The following PRKG1 variants were observed in gnomAD, a reference collection of about 807,000 sequenced individuals.
The protein encoded by PRKG1 is cGMP-dependent protein kinase 1.
PRKG1 carries 35 observed loss-of-function variants against 88.1 expected under a neutral mutation model. The ratio of observed to expected loss-of-function variants is 0.40; its 90% confidence interval spans 0.30 to 0.53. The LOEUF (loss-of-function observed/expected upper bound fraction) is 0.53, where lower values mean the gene tolerates loss of function less well. Ranked by LOEUF, PRKG1 falls within the 20% of genes least tolerant of loss-of-function variation. PRKG1 has a pLI of 0.59. For synonymous variants in PRKG1, 303 were observed against 292.5 expected (o/e 1.04, Z -0.37); for missense variants, 540 against 839.8 (o/e 0.64, Z 4.41).
rs1440413727 is a variant in PRKG1 at position 51,197,642 on chromosome 10, A to G, written c.478+44312A>G. Among the ~76,000 whole-genome samples the G allele has an allele frequency of 2.0e-5, 3 of 152,120 alleles. No individual in the cohort carries two copies. The East Asian group carries it at 5.8e-4, about 30-fold the overall frequency. ...CAGGACTGAGGTACACATATGTAGCATATGTGTATATACTAGTATATACAT... is the reference window on the plus strand; with the variant it reads ...CAGGACTGAGGTACACATATGTAGCGTATGTGTATATACTAGTATATACAT... On this transcript the variant is annotated intron_variant, in intron 2 of 17. Transcript: ENST00000373980.
chr10:50,993,906 C>G (rs1445066481), intron 1 of PRKG1, among the ~76,000 whole-genome samples: 3 of 152,240 alleles, frequency 2.0e-5, no homozygotes, highest in Non-Finnish European at 4.4e-5. Flanking sequence ...CTGTCCTTCT[C>G]TCTTCCCCTC....
At chr10:51,009,004 C>A (rs1381433432) in intron 1 of PRKG1, among the ~76,000 whole-genome samples, 1 of 152,094 alleles carries the variant, frequency 6.6e-6, no homozygotes, top group Non-Finnish European at 1.5e-5. Context: ...TCACACATCT[C>A]TGATGGTTTG....
intron 2 of PRKG1, among the ~76,000 whole-genome samples, chr10:51,234,133 T>G (rs1199351390): frequency 6.6e-6 from 1 of 152,178 alleles, no homozygotes; most frequent in Non-Finnish European, 1.5e-5. Flanking sequence ...CTCAGGGTCT[T>G]GGTGCTAAGG....
chr10:51,019,470 C>T (rs945123037), intron 1 of PRKG1, among the ~76,000 whole-genome samples: 9 of 151,968 alleles, frequency 5.9e-5, no homozygotes, highest in Non-Finnish European at 1.3e-4. Context: ...TGGGTCCTTA[C>T]CTAACACCAT....
intron 7 of PRKG1, among the ~76,000 whole-genome samples, chr10:52,106,414 C>T (rs1298619714): frequency 6.6e-6 from 1 of 152,124 alleles, no homozygotes; most frequent in Admixed American, 6.6e-5. Flanking sequence ...CGTACTACCT[C>T]TGGCAACCTT....
intron 7 of PRKG1, among the ~76,000 whole-genome samples, chr10:52,092,020 G>T (rs937741060): frequency 1.3e-5 from 2 of 152,172 alleles, no homozygotes; most frequent in Non-Finnish European, 2.9e-5. Flanking sequence ...GGTTACCAGC[G>T]TTTCCTTCTT....
rs373577457 is a variant in PRKG1 at position 51,827,394 on chromosome 10, T to G, written c.698+22704T>G. Among the ~76,000 whole-genome samples, 23 of 152,272 alleles carry G rather than the reference T, an allele frequency of 1.5e-4. No homozygotes were observed. In the South Asian group the frequency reaches 4.6e-3, roughly 30 times the overall value. On this transcript the variant is annotated intron_variant, in intron 4 of 17. Transcript: ENST00000373980. ...ATCATAGCTAAATATCAGTAAGAAC[T>G]TGGTTATGCACAAGGACTTTTGGAC...
intron 9 of PRKG1, among the ~76,000 whole-genome samples, chr10:52,166,812 T>C (rs1402923246): frequency 2.1e-3 from 3 of 1,428 alleles, no homozygotes; most frequent in East Asian, 0.25. Flanking sequence ...TATATATGTA[T>C]ATATATGTAT....
intron 9 of PRKG1, among the ~76,000 whole-genome samples, chr10:52,214,925 G>A (rs1325629302): frequency 6.6e-6 from 1 of 151,452 alleles, no homozygotes; most frequent in Admixed American, 6.6e-5. Flanking sequence ...TAATTTGTGG[G>A]TCATTTTGAA....
At chr10:51,337,695 A>G (rs1841910186) in intron 2 of PRKG1, among the ~76,000 whole-genome samples, 1 of 152,228 alleles carries the variant, frequency 6.6e-6, no homozygotes, top group Admixed American at 6.5e-5. Flanking sequence ...CAAAACCACG[A>G]TGAGATACCG....
At position 52,132,917 on chromosome 10, in the gene PRKG1, C is replaced by A. The variant is rs938523549; in HGVS notation, c.936-923C>A. Among the ~76,000 whole-genome samples, 18 of 152,082 alleles carry A rather than the reference C, an allele frequency of 1.2e-4. 1 individual carries two copies. In the South Asian group the frequency reaches 3.7e-3, roughly 32 times the overall value. ...AAGCACACTGTGGAGAACGGGGTAT[C>A]CACCCCCTCAAGTATTTATCCTTTG... On this transcript the variant is annotated intron_variant, in intron 7 of 17. Coordinates refer to ENST00000373980, the MANE Select transcript of PRKG1 (RefSeq NM_006258.4).
intron 4 of PRKG1, among the ~76,000 whole-genome samples, chr10:51,805,700 T>G (rs1839287093): frequency 6.6e-6 from 1 of 152,138 alleles, no homozygotes; most frequent in African/African-American, 2.4e-5. Context: ...TGAATTTTCT[T>G]AAGATGCAAT....
chr10:51,082,517 G>C (rs1844138180), intron 1 of PRKG1, among the ~76,000 whole-genome samples: 1 of 152,136 alleles, frequency 6.6e-6, no homozygotes, highest in Non-Finnish European at 1.5e-5. Context: ...AATTTTTGAT[G>C]ATTCTCCATG....
chr10:51,645,348 C>T (rs1768453248), intron 3 of PRKG1, among the ~76,000 whole-genome samples: 1 of 152,138 alleles, frequency 6.6e-6, no homozygotes, highest in African/African-American at 2.4e-5. Flanking sequence ...CATATTAAAA[C>T]ATTTTGCAAC....
At chr10:51,204,690 G>T (rs1422320009) in intron 2 of PRKG1, among the ~76,000 whole-genome samples, 3 of 152,014 alleles carry the variant, frequency 2.0e-5, no homozygotes, top group African/African-American at 7.2e-5. Context: ...TCAAATGGGG[G>T]CTTTTCACCA....
intron 3 of PRKG1, among the ~76,000 whole-genome samples, chr10:51,712,308 GA>G (rs1030296646): frequency 6.6e-6 from 1 of 152,160 alleles, no homozygotes; most frequent in African/African-American, 2.4e-5. Context: ...GGGAAGATCA[GA>G]AAGTCCTTAC....
intron 3 of PRKG1, among the ~76,000 whole-genome samples, chr10:51,594,481 T>G (rs1277372460): frequency 3.9e-5 from 6 of 152,244 alleles, no homozygotes; most frequent in Non-Finnish European, 8.8e-5. Context: ...TTGTCTCATA[T>G]TACCACTGCA....
intron 3 of PRKG1, among the ~76,000 whole-genome samples, chr10:51,771,363 T>G (rs2132546019): frequency 6.6e-6 from 1 of 152,218 alleles, no homozygotes; most frequent in African/African-American, 2.4e-5. Flanking sequence ...AAAAAAAGAG[T>G]TGTACCTGGA....
At chr10:51,179,981 C>T (rs1837302721) in intron 2 of PRKG1, among the ~76,000 whole-genome samples, 1 of 152,166 alleles carries the variant, frequency 6.6e-6, no homozygotes. Context: ...CCATAAATGT[C>T]CATCTTTTAT....
Sources: gnomAD v4.1 joint callset for allele counts (sites outside exome capture counted in the v4.1 genomes callset) on GRCh38, gnomAD v4.1.1 for gene constraint, MANE v1.5 for transcripts, NCBI Gene and HGNC (gene_info 2026-07-23, HGNC 2026-07-21) for gene names.